EIF2AK3: variants seen among roughly 807,000 people sequenced by gnomAD.
EIF2AK3 encodes eukaryotic translation initiation factor 2 alpha kinase 3.
In EIF2AK3, 50 loss-of-function variants were observed where a neutral mutation model predicts 113.5. The ratio of observed to expected loss-of-function variants is 0.44; its 90% CI spans 0.35 to 0.56. The LOEUF (loss-of-function observed/expected upper bound fraction) is 0.56. EIF2AK3 is among the 20% of genes least tolerant of loss of function. The pLI is 0.00. For synonymous variants in EIF2AK3, 448 were observed against 495.4 expected, an observed-to-expected ratio of 0.90 and a Z score of 1.27; for missense variants, 1,185 against 1,378.0, an observed-to-expected ratio of 0.86 and a Z score of 2.22.
In EIF2AK3 at chr2:88,574,631, T is replaced by G. The variant is rs541684784; in HGVS notation, c.2817+35A>C. The stretch of plus-strand genomic sequence containing the variant: ...TGCTCTGAATCACAAAACGTCAGAT[T>G]GAAACCCCAAGGGTGATGCTCCACA... On this transcript the variant is annotated intron_variant, in intron 13 of 16. Transcript: ENST00000303236. The G allele has an allele frequency of 2.6e-5, 42 of 1,611,768 alleles. No individual in the cohort carries two copies. In the Admixed American group the frequency reaches 4.9e-4, roughly 19 times the overall value.
chr2:88,591,093 A>G (rs1474790786), intron 4 of EIF2AK3, 41 bp from the exon 5 acceptor site: 1 of 1,553,386 alleles, frequency 6.4e-7, no homozygotes, highest in Admixed American at 1.7e-5. Flanking sequence ...TTACATTTAA[A>G]GAAAGGGACA....
chr2:88,598,206 C>T (rs957310889), intron 2 of EIF2AK3, among the ~76,000 whole-genome samples: 2 of 152,024 alleles, frequency 1.3e-5, no homozygotes, highest in African/African-American at 4.8e-5. Context: ...AAAGGAAGGG[C>T]TGGAGTTGGA....
chr2:88,617,537 C>T (rs1489306130), intron 1 of EIF2AK3, among the ~76,000 whole-genome samples: 3 of 152,008 alleles, frequency 2.0e-5, no homozygotes, highest in East Asian at 1.9e-4. Context: ...CGGTGGCTCA[C>T]GAGGTCAGGA....
chr2:88,569,257 C>T (rs1434417645), intron 14 of EIF2AK3, among the ~76,000 whole-genome samples: 1 of 151,488 alleles, frequency 6.6e-6, no homozygotes, highest in Non-Finnish European at 1.5e-5. Context: ...GATCCCAGCA[C>T]TTTGGGAGGC....
chr2:88,593,291 G>T lies in EIF2AK3; in HGVS notation c.748C>A (p.Pro250Thr). ...ACACACTTCTCATTGCCACTGCGAGGTCCGACAGCTCTAACAGTTTTTTGG... is the reference window on the plus strand; with the variant it reads ...ACACACTTCTCATTGCCACTGCGAGTTCCGACAGCTCTAACAGTTTTTTGG... ...RTQKTVRAVG[P>T]RSGNEKWNFS... Residue 250 changes from proline (P) to threonine (T), a missense_variant, in exon 4 of 17, where the codon CCT (proline) becomes ACT (threonine). By Grantham distance (38) the Pro-to-Thr change is conservative. Coordinates refer to ENST00000303236, the MANE Select transcript of EIF2AK3 (RefSeq NM_004836.7). 6.2e-7 allele frequency: 1 copy of T among 1,613,992 alleles called. No homozygotes were observed. The highest frequency in any genetic ancestry group is 8.5e-7 in the Non-Finnish European group (1 of 1,179,968).
At chr2:88,595,844 A>T (rs759297391) in intron 2 of EIF2AK3, 181 bp from the exon 3 acceptor site, 14 of 691,670 alleles carry the variant, frequency 2.0e-5, no homozygotes, top group Middle Eastern at 2.4e-4. Flanking sequence ...GCAGTCCATC[A>T]ACCAAAAGTA....
chr2:88,573,110 C>CTTTTTTTTTTTTTTTTTT (rs112158228), intron 13 of EIF2AK3, among the ~76,000 whole-genome samples: 1 of 128,324 alleles, frequency 7.8e-6, no homozygotes, highest in South Asian at 2.5e-4. Context: ...AAAATCTTGG[C>CTTTTTTTTTTTTTTTTTT]TTTTTTTTTT....
At chr2:88,570,050 A>AT (rs889672085) in intron 14 of EIF2AK3, among the ~76,000 whole-genome samples, 4 of 151,384 alleles carry the variant, frequency 2.6e-5, no homozygotes, top group South Asian at 2.1e-4. Context: ...GGTGCCTGTA[A>AT]TTTTTTTTTG....
At chr2:88,625,982 AATGACT>A (rs1675847717) in intron 1 of EIF2AK3, among the ~76,000 whole-genome samples, 1 of 152,216 alleles carries the variant, frequency 6.6e-6, no homozygotes, top group African/African-American at 2.4e-5. Flanking sequence ...ACGATCTAGT[AATGACT>A]ATAAGTCTAA....
At position 88,556,846 on chromosome 2, in the gene EIF2AK3, G is replaced by A. The variant is rs1673790638; in HGVS notation, c.*890C>T. ...CACCAACCCAAATGGATTGATTTCA[G>A]AATTTTTATAAATAAAACATAAACA... On this transcript the variant is annotated 3_prime_UTR_variant, in exon 17 of 17. Transcript: ENST00000303236. 1 of 152,104 alleles carries A rather than the reference G, an allele frequency of 6.6e-6. No homozygotes were observed. The highest frequency in any genetic ancestry group is 1.5e-5 in the Non-Finnish European group (1 of 68,010). 9.4% of individuals were successfully genotyped at this position (152,104 alleles called of 1,614,324 possible). A position where few individuals can be genotyped will look rare whatever the true frequency, so the allele number is the denominator to read the frequency against.
chr2:88,563,234 T>A (rs1674011595), intron 14 of EIF2AK3, among the ~76,000 whole-genome samples: 1 of 152,210 alleles, frequency 6.6e-6, no homozygotes, highest in Non-Finnish European at 1.5e-5. Context: ...CACAGGGCAG[T>A]TGCCAGGGTT....
intron 8 of EIF2AK3, among the ~76,000 whole-genome samples, chr2:88,587,732 A>G (rs1674774856): frequency 6.6e-6 from 1 of 152,162 alleles, no homozygotes; most frequent in African/African-American, 2.4e-5. Flanking sequence ...AGATATTAGG[A>G]TTATTATTCT....
rs200171164 is a variant in EIF2AK3, at chr2:88,585,908, G to A, written c.1583C>T (p.Thr528Met). Residue 528 changes from threonine (T) to methionine (M), a missense_variant, in exon 9 of 17, where the codon ACG (threonine) becomes ATG (methionine). Thr to Met is a moderately conservative substitution (Grantham distance 81, BLOSUM62 -1). This residue lies in a region of EIF2AK3 where 877 missense variants were observed against 1,024.2 expected (regional missense o/e 0.86). Transcript: ENST00000303236. ...LLHWWKEIVA[T>M]ILFCIIATTF... The stretch of plus-strand genomic sequence containing the variant: ...TGTTGCTATGATACAAAACAAAATC[G>A]TTGCAACTATTTCTTTCCACCAGTG... The A allele has an allele frequency of 8.1e-6, 13 of 1,613,950 alleles. No homozygotes were observed. The highest frequency in any genetic ancestry group is 4.0e-5 in the African/African-American group (3 of 74,900).
At chr2:88,587,204 CAAAAAAAAAAAAAAAA>C (rs780050125) in intron 8 of EIF2AK3, among the ~76,000 whole-genome samples, 3 of 30,262 alleles carry the variant, frequency 9.9e-5, no homozygotes, top group African/African-American at 1.8e-4. Flanking sequence ...AACTCCATCT[CAAAAAAAAAAAAAAAA>C]AAAAAAAAAA....
At chr2:88,563,971 T>G (rs1265652554) in intron 14 of EIF2AK3, among the ~76,000 whole-genome samples, 2 of 152,184 alleles carry the variant, frequency 1.3e-5, no homozygotes, top group Admixed American at 1.3e-4. Context: ...AGAGGACAGA[T>G]AGATATATAA....
chr2:88,627,407 G>T lies in EIF2AK3; in HGVS notation c.-133C>A. On this transcript the variant is annotated 5_prime_UTR_variant, in exon 1 of 17. Coordinates refer to ENST00000303236, the MANE Select transcript of EIF2AK3 (RefSeq NM_004836.7). Reference sequence around the variant, plus strand: ...GCCCCGACGGCCTGGACAGCCAGCCGTGTTCCCCTGGCCACGTCTCAGCCC... The same window carrying T: ...GCCCCGACGGCCTGGACAGCCAGCCTTGTTCCCCTGGCCACGTCTCAGCCC... 1 of 1,143,140 alleles carries T rather than the reference G, an allele frequency of 8.7e-7. No individual in the cohort carries two copies. The highest frequency in any genetic ancestry group is 1.1e-6 in the Non-Finnish European group (1 of 882,658). 70.8% of individuals were successfully genotyped at this position (1,143,140 alleles called of 1,614,324 possible). A position where few individuals can be genotyped will look rare whatever the true frequency, so the allele number is the denominator to read the frequency against.
At chr2:88,573,910 C>CT (rs1320087237) in intron 13 of EIF2AK3, among the ~76,000 whole-genome samples, 3 of 152,124 alleles carry the variant, frequency 2.0e-5, no homozygotes, top group African/African-American at 4.8e-5. Flanking sequence ...CTGGTGATGG[C>CT]TAAGAGTATA....
chr2:88,615,091 A>AG (rs1258449522), intron 1 of EIF2AK3, among the ~76,000 whole-genome samples: 1 of 152,186 alleles, frequency 6.6e-6, no homozygotes, highest in Non-Finnish European at 1.5e-5. Flanking sequence ...CCTATTTCAT[A>AG]GGGAAAAACA....
chr2:88,599,475 T>C (rs1675101861), intron 2 of EIF2AK3, among the ~76,000 whole-genome samples: 1 of 151,880 alleles, frequency 6.6e-6, no homozygotes, highest in African/African-American at 2.4e-5. Flanking sequence ...TTAGCCGATA[T>C]GATCTTCTAT....
Sources: gnomAD v4.1 joint callset for allele counts (sites outside exome capture counted in the v4.1 genomes callset) on GRCh38, gnomAD v4.1.1 for gene constraint, gnomAD v4.1.1 regional missense constraint, MANE v1.5 for transcripts, NCBI Gene and HGNC (gene_info 2026-07-23, HGNC 2026-07-21) for gene names.